Variants in TTN observed in about 807,000 individuals in gnomAD.
The protein encoded by TTN is titin, also known as connectin.
In TTN, 1,525 loss-of-function variants were observed where a neutral mutation model predicts 3,223.0. That is an observed-to-expected ratio of 0.47 (90% CI 0.45 to 0.49). The LOEUF is 0.49. Among genes scored for constraint, TTN ranks in the 20% least tolerant of loss-of-function variants. The pLI is 0.00. For synonymous variants in TTN, 14,094 were observed against 15,161.0 expected, an observed-to-expected ratio of 0.93 and a Z score of 5.17; for missense variants, 40,786 against 43,424.0, an observed-to-expected ratio of 0.94 and a Z score of 5.40.
At chr2:178,750,896 GC>G in intron 47 of TTN, 1 of 1,612,766 alleles carries the variant, frequency 6.2e-7, no homozygotes. Flanking sequence ...CTGTCCTCTT[GC>G]TTGGGTATTT....
chr2:178,636,928 T>G lies in TTN; in HGVS notation c.40928-129A>C. The G allele has an allele frequency of 1.9e-6, 2 of 1,036,956 alleles. No homozygotes were observed. Among genetic ancestry groups the G allele is most frequent in the Non-Finnish European group, 2.7e-6 (2 of 746,400 alleles). The allele number at this position is 1,036,956 out of a possible 1,614,324, so 64.2% of individuals were successfully genotyped here. Reference sequence around the variant, plus strand: ...GACGAGAAAACTAAAGACCAGGCAATTGAAAGGCCAATTGAGTTTATACTG... The same window carrying G: ...GACGAGAAAACTAAAGACCAGGCAAGTGAAAGGCCAATTGAGTTTATACTG... On this transcript the variant is annotated intron_variant, in intron 224 of 362. Transcript: ENST00000589042. The surrounding 1 kb of genome is among the most constrained non-coding windows in gnomAD (Gnocchi z 4.3).
intron 88 of TTN, 74 bp from the exon 89 acceptor site, chr2:178,715,848 A>G: frequency 1.4e-6 from 2 of 1,430,822 alleles, no homozygotes; most frequent in South Asian, 1.5e-5. Context: ...GGTGGAAAAA[A>G]TAATCTTTGC....
At position 178,559,445 on chromosome 2, in the gene TTN, G is replaced by A; in HGVS notation, c.86687C>T (p.Thr28896Ile). The part of the protein sequence containing the change: ...EASKKAWVSV[T>I]NNCNRLSYKV... The stretch of plus-strand genomic sequence containing the variant: ...GTAGGAGAGGCGGTTACAGTTGTTG[G>A]TCACAGAGACCCATGCTTTCTTGCT... Residue 28896 changes from threonine (T) to isoleucine (I), a missense_variant, in exon 326 of 363, where the codon ACC (threonine) becomes ATC (isoleucine). Transcript: ENST00000589042. 6.2e-7 allele frequency: 1 copy of A among 1,613,724 alleles called. No homozygotes were observed. The highest frequency in any genetic ancestry group is 8.5e-7 in the Non-Finnish European group (1 of 1,179,738).
rs766206440 is a variant in TTN, at chr2:178,723,453, C to T, written c.21647G>A (p.Gly7216Asp). 6.2e-7 allele frequency: 1 copy of T among 1,613,062 alleles called. No homozygotes were observed. The change falls in exon 74 of 363, where the codon GGC becomes GAC. Residue 7216 changes from glycine (G) to aspartate (D), a missense_variant. Transcript: ENST00000589042. The stretch of plus-strand genomic sequence containing the variant: ...GAGACGGGTAGTGCAAGATGCTTGG[C>T]CAGCGTTGTTAGAAACCACACAGGT... ...EYTCVVSNNA[G>D]QASCTTRLFV...
chr2:178,693,115 T>C (rs1022192730), intron 119 of TTN, among the ~76,000 whole-genome samples: 24 of 152,158 alleles, frequency 1.6e-4, no homozygotes, highest in African/African-American at 5.8e-4. Flanking sequence ...TAGTACATTA[T>C]ATGGCATTTC....
chr2:178,609,621 A>T (rs557565931), intron 272 of TTN, 51 bp from the exon 273 acceptor site: 1 of 1,552,562 alleles, frequency 6.4e-7, no homozygotes, highest in South Asian at 1.3e-5. Flanking sequence ...AAAATAACTG[A>T]CAAAACATTA....
chr2:178,684,744 C>CTT lies in TTN; in HGVS notation c.32559_32560insAA (p.Glu10854LysfsTer28). ...TCTGGAACTGGTTTCTTTGGCTCTT[C>CTT]TGGCACTTAAAAGATACCAGGCAAT... On this transcript the variant is annotated frameshift_variant, in exon 131 of 363. Transcript: ENST00000589042. LOFTEE classifies it high-confidence loss of function. 6.2e-7 allele frequency: 1 copy of CTT among 1,613,386 alleles called. No homozygotes were observed. Among genetic ancestry groups the CTT allele is most frequent in the Non-Finnish European group, 8.5e-7 (1 of 1,179,654 alleles).
chr2:178,597,052 A>G (rs2051872053), intron 294 of TTN, among the ~76,000 whole-genome samples: 1 of 152,154 alleles, frequency 6.6e-6, no homozygotes, highest in Non-Finnish European at 1.5e-5. Flanking sequence ...CAGCACTGGC[A>G]AATTGTTAAA....
Position 178,573,276 on chromosome 2 carries a change from C to T in TTN, c.72856G>A (p.Gly24286Arg), listed in dbSNP as rs1198682781. The change falls in exon 326 of 363, where the codon GGA (glycine) becomes AGA (arginine). Residue 24286 changes from glycine to arginine, a missense_variant. Gly to Arg is a moderately radical substitution (Grantham distance 125, BLOSUM62 -2). Transcript: ENST00000589042. ...TLTDLRYKVS[G>R]LTEGHEYEFR... is the part of the protein sequence containing the mutation. The stretch of plus-strand genomic sequence containing the variant: ...TCATATTCATGTCCTTCTGTCAGTC[C>T]AGACACTTTATATCTTAAATCAGTA... The T allele has an allele frequency of 1.2e-6, 2 of 1,601,098 alleles. No homozygotes were observed. The highest frequency in any genetic ancestry group is 1.7e-6 in the Non-Finnish European group (2 of 1,173,456).
In TTN at chr2:178,635,874, T is replaced by A. The variant is rs899976699; in HGVS notation, c.41608+89A>T. On this transcript the variant is annotated intron_variant, in intron 226 of 362. Coordinates refer to ENST00000589042, the MANE Select transcript of TTN (RefSeq NM_001267550.2). ...ATTCCCCTCTTAGGTACAAGATTTCTGATATTGTAATACTGGGAAACGAGG... is the reference window on the plus strand; with the variant it reads ...ATTCCCCTCTTAGGTACAAGATTTCAGATATTGTAATACTGGGAAACGAGG... 4 of 1,520,812 alleles carry A rather than the reference T, an allele frequency of 2.6e-6. No homozygotes were observed. In the African/African-American group the frequency reaches 5.6e-5, roughly 21 times the overall value. The allele number at this position is 1,520,812 out of a possible 1,614,324, so 94.2% of individuals were successfully genotyped here.
chr2:178,699,392 T>G (rs1388374676), intron 111 of TTN, among the ~76,000 whole-genome samples: 1 of 17,672 alleles, frequency 5.7e-5, no homozygotes, highest in Non-Finnish European at 9.0e-5. Flanking sequence ...TCTTTTTTTT[T>G]TTTTTTTTTT....
chr2:178,663,663 C>G lies in TTN; in HGVS notation c.36496G>C (p.Ala12166Pro), dbSNP rs747203275. 1.2e-6 allele frequency: 2 copies of G among 1,613,304 alleles called. No homozygotes were observed. Among genetic ancestry groups the G allele is most frequent in the African/African-American group, 2.7e-5 (2 of 74,792 alleles). ...EVVPEKKAPV[A>P]PPKEPEVPPV... Reference sequence around the variant, plus strand: ...GGGACTTCAGGCTCTTTAGGAGGAGCCACTGGCGCTTTCTTTTCAGGAACT... The same window carrying G: ...GGGACTTCAGGCTCTTTAGGAGGAGGCACTGGCGCTTTCTTTTCAGGAACT... Residue 12166 changes from alanine (A) to proline (P), a missense_variant, in exon 171 of 363, where the codon GCT (alanine) becomes CCT (proline). Physicochemically the swap from Ala to Pro is conservative, Grantham distance 27 (BLOSUM62 -1). Transcript: ENST00000589042.
intron 47 of TTN, chr2:178,744,921 G>A (rs915856865): frequency 5.3e-5 from 52 of 985,064 alleles, no homozygotes; most frequent in Non-Finnish European, 6.1e-5. Context: ...AGCACAATTG[G>A]TCCCTTGAAG....
chr2:178,766,743 G>T (rs2090507698), intron 40 of TTN, 131 bp from the exon 41 acceptor site: 1 of 731,532 alleles, frequency 1.4e-6, no homozygotes, highest in Admixed American at 2.2e-5. Flanking sequence ...AATGTAATAA[G>T]TTGGCTGATT....
rs1320346401 is a variant in TTN, at chr2:178,702,136, G to A, written c.30511+32C>T. On this transcript the variant is annotated intron_variant, in intron 108 of 362. Coordinates refer to ENST00000589042, the MANE Select transcript of TTN (RefSeq NM_001267550.2). ...TAGGTAGGCTACGTGTTTCGAAGAT[G>A]GCAGGGTGGCTTTCTGATGGCGCTA... 11 of 1,613,598 alleles carry A rather than the reference G, an allele frequency of 6.8e-6. No individual in the cohort carries two copies. The Middle Eastern group carries it at 6.6e-4, about 97-fold the overall frequency.
chr2:178,651,742 T>A lies in TTN; in HGVS notation c.39387A>T (p.Val13129=). ...TTTCTGGGACAGGTTTCTTAGGTGGTACGGTCACTAAAGAATTAGAAGGTA... is the reference window on the plus strand; with the variant it reads ...TTTCTGGGACAGGTTTCTTAGGTGGAACGGTCACTAAAGAATTAGAAGGTA... ...PEPAAPPQVT[V]PPKKPVPEKK... Residue 13129 remains valine, a synonymous_variant, in exon 206 of 363, where the codon GTA becomes GTT. Coordinates refer to ENST00000589042, the MANE Select transcript of TTN (RefSeq NM_001267550.2). 1 of 1,612,916 alleles carries A rather than the reference T, an allele frequency of 6.2e-7. No homozygotes were observed. Among genetic ancestry groups the A allele is most frequent in the Non-Finnish European group, 8.5e-7 (1 of 1,179,494 alleles).
chr2:178,754,654 C>T (rs1290039963), intron 46 of TTN, among the ~76,000 whole-genome samples: 1 of 152,136 alleles, frequency 6.6e-6, no homozygotes, highest in African/African-American at 2.4e-5. Context: ...GTAGACAACA[C>T]CTCCAAATAA....
chr2:178,636,327 A>G lies in TTN; in HGVS notation c.41329+71T>C. 1 of 1,510,130 alleles carries G rather than the reference A, an allele frequency of 6.6e-7. No homozygotes were observed. The highest frequency in any genetic ancestry group is 2.3e-5 in the Admixed American group (1 of 43,576). The allele number at this position is 1,510,130 out of a possible 1,614,324, so 93.5% of individuals were successfully genotyped here. On this transcript the variant is annotated intron_variant, in intron 225 of 362. Transcript: ENST00000589042. The surrounding 1 kb of genome is among the most constrained non-coding windows in gnomAD (Gnocchi z 4.3). ...GAAATAAGAGGTTTTGTAAAACTAC[A>G]ATGCAAGTTGCTACTAAGGTTTGTT... is the stretch of plus-strand genomic sequence containing the variant.
At chr2:178,764,075 A>T in intron 43 of TTN, 102 bp downstream of exon 43, 1 of 1,519,092 alleles carries the variant, frequency 6.6e-7, no homozygotes, top group South Asian at 1.1e-5. Flanking sequence ...GCTTCAAATT[A>T]TGCATGAGAG....
Sources: allele counts gnomAD v4.1 joint callset (sites outside exome capture counted in the v4.1 genomes callset), GRCh38; gene constraint gnomAD v4.1.1; non-coding constraint Gnocchi (gnomAD v3.1); transcripts MANE v1.5; gene names NCBI Gene and HGNC (gene_info 2026-07-23, HGNC 2026-07-21).